The following YEATS2 variants were observed in gnomAD, a reference collection of about 807,000 sequenced individuals.
The protein encoded by YEATS2 is YEATS domain-containing protein 2.
In YEATS2, 77 loss-of-function variants were observed where a neutral mutation model predicts 163.2. The ratio of observed to expected loss-of-function variants is 0.47; its 90% CI spans 0.39 to 0.57. The LOEUF is 0.57. Among genes scored for constraint, YEATS2 ranks in the 20% least tolerant of loss-of-function variants. The probability of loss-of-function intolerance (pLI) is 0.00; values close to 1 mark genes in which losing one functional copy is unlikely to be tolerated. For missense variants in YEATS2, 1,549 were observed against 1,729.8 expected, an observed-to-expected ratio of 0.90 and a Z score of 1.85; for synonymous variants, 631 against 645.1, an observed-to-expected ratio of 0.98 and a Z score of 0.33.
chr3:183,717,704 C>T lies in YEATS2; in HGVS notation c.154C>T (p.Leu52Phe). 1.3e-6 allele frequency: 2 copies of T among 1,566,788 alleles called. No homozygotes were observed. Among genetic ancestry groups the T allele is most frequent in the Non-Finnish European group, 1.7e-6 (2 of 1,163,418 alleles). The change falls in exon 3 of 31, where the codon CTT (leucine) becomes TTT (phenylalanine). Residue 52 changes from leucine to phenylalanine, a missense_variant. By Grantham distance (22) the Leu-to-Phe change is conservative. Transcript: ENST00000305135. ...IETIIKEQFA[L>F]EMKNKEHEIE... The stretch of plus-strand genomic sequence containing the variant: ...GACTATTATCAAAGAACAGTTTGCT[C>T]TTGAAATGAAGAATAAGGAACATGA...
At chr3:183,711,242 G>A (rs1304813379) in intron 1 of YEATS2, among the ~76,000 whole-genome samples, 1 of 151,954 alleles carries the variant, frequency 6.6e-6, no homozygotes, top group African/African-American at 2.4e-5. Flanking sequence ...AGGCCAAGGC[G>A]GGCGGATCAC....
chr3:183,779,903 G>A (rs1324965667), intron 19 of YEATS2, among the ~76,000 whole-genome samples: 1 of 151,342 alleles, frequency 6.6e-6, no homozygotes, highest in African/African-American at 2.4e-5. Flanking sequence ...TCACCACGTT[G>A]GTCAGGATGG....
rs181307418 is a variant in YEATS2, at chr3:183,716,962, G to A, written c.101-689G>A. The stretch of plus-strand genomic sequence containing the variant: ...GGCTGGAGTGCGGTGGCACGATCTC[G>A]GCTCACTGCCACCTCTGCCTCCCAA... On this transcript the variant is annotated intron_variant, in intron 2 of 30. Transcript: ENST00000305135. Among the ~76,000 whole-genome samples the A allele has an allele frequency of 7.3e-5, 11 of 151,024 alleles. 1 individual carries two copies. The East Asian group carries it at 2.1e-3, about 29-fold the overall frequency.
chr3:183,785,999 G>C, intron 19 of YEATS2, 126 bp from the exon 20 acceptor site: 1 of 1,098,216 alleles, frequency 9.1e-7, no homozygotes. Flanking sequence ...CCTCATGTAG[G>C]TTGGATTGGT....
intron 4 of YEATS2, among the ~76,000 whole-genome samples, chr3:183,719,685 T>A (rs906088384): frequency 1.3e-4 from 19 of 151,956 alleles, no homozygotes; most frequent in Admixed American, 8.5e-4. Context: ...CTTTTTTTTT[T>A]AAAAGAGACA....
intron 15 of YEATS2, 151 bp downstream of exon 15, chr3:183,762,430 G>C: frequency 1.0e-6 from 1 of 976,826 alleles, no homozygotes; most frequent in Non-Finnish European, 1.5e-6. Context: ...AAGTCTGTTG[G>C]TGTGAAACTC....
chr3:183,802,535 G>GTATATATATACAGGTA (rs11276625), intron 25 of YEATS2: 5 of 142,214 alleles, frequency 3.5e-5, no homozygotes, highest in Non-Finnish European at 6.0e-5. Context: ...ATATACACGT[G>GTATATATATACAGGTA]TATATACACA....
rs188381592 is a variant in YEATS2, at chr3:183,746,064, C to T, written c.925-1608C>T. On this transcript the variant is annotated intron_variant, in intron 8 of 30. Transcript: ENST00000305135. ...GCCCAGGCTGGTTTTTTTGTTTGTT[C>T]GTTCGTTTGTTTTTTGTAGATAGGA... is the stretch of plus-strand genomic sequence containing the variant. Among the ~76,000 whole-genome samples the T allele has an allele frequency of 1.1e-3, 172 of 151,906 alleles. 1 individual carries two copies. Among genetic ancestry groups the T allele is most frequent in the African/African-American group, 3.9e-3 (162 of 41,416 alleles).
intron 19 of YEATS2, among the ~76,000 whole-genome samples, chr3:183,783,489 T>C (rs1236658278): frequency 1.3e-5 from 2 of 152,246 alleles, no homozygotes; most frequent in Non-Finnish European, 2.9e-5. Context: ...GCTAGGGTCA[T>C]GATTGATCTT....
chr3:183,806,177 G>A (rs1282572778), intron 27 of YEATS2: 1 of 401,550 alleles, frequency 2.5e-6, no homozygotes, highest in Non-Finnish European at 4.8e-6. Flanking sequence ...AATATCCTAA[G>A]TCAAAAATGA....
intron 1 of YEATS2, among the ~76,000 whole-genome samples, chr3:183,714,512 T>C (rs1715625151): frequency 6.6e-6 from 1 of 151,964 alleles, no homozygotes; most frequent in South Asian, 2.1e-4. Flanking sequence ...TTTTTTTTAA[T>C]GGGATTGTTT....
intron 7 of YEATS2, among the ~76,000 whole-genome samples, chr3:183,732,041 G>A (rs1717841919): frequency 6.7e-6 from 1 of 148,688 alleles, no homozygotes; most frequent in Admixed American, 6.7e-5. Flanking sequence ...CCATAGCGCT[G>A]TTTTTTTTTT....
chr3:183,774,993 A>G (rs949396634), intron 17 of YEATS2, among the ~76,000 whole-genome samples: 1 of 152,240 alleles, frequency 6.6e-6, no homozygotes, highest in African/African-American at 2.4e-5. Flanking sequence ...AATCACTGGA[A>G]TGAAGGTGGA....
chr3:183,802,378 T>C (rs1248450298), intron 25 of YEATS2: 1 of 152,976 alleles, frequency 6.5e-6, no homozygotes, highest in Non-Finnish European at 1.5e-5. Flanking sequence ...GTAATCTCTT[T>C]CTGTAGGGTA....
At chr3:183,755,672 T>A (rs1311969405) in intron 11 of YEATS2, among the ~76,000 whole-genome samples, 2 of 151,810 alleles carry the variant, frequency 1.3e-5, no homozygotes, top group Admixed American at 1.3e-4. Context: ...ATTTCATATT[T>A]TCCTATTCAA....
In YEATS2 at chr3:183,754,379, T is replaced by G; in HGVS notation, c.1390+14T>G. 1 of 1,607,976 alleles carries G rather than the reference T, an allele frequency of 6.2e-7. No homozygotes were observed. Among genetic ancestry groups the G allele is most frequent in the Non-Finnish European group, 8.5e-7 (1 of 1,175,232 alleles). ...AGATTGTGTCAGGTATGCAGATGTT[T>G]TGAAGACAGTGTATGTGGAGTTGAC... On this transcript the variant is annotated intron_variant, in intron 11 of 30. Coordinates refer to ENST00000305135, the MANE Select transcript of YEATS2 (RefSeq NM_018023.5).
At chr3:183,810,282 G>A (rs1726665575) in intron 30 of YEATS2, 193 bp from the exon 31 acceptor site, 1 of 531,974 alleles carries the variant, frequency 1.9e-6, no homozygotes, top group Non-Finnish European at 3.4e-6. Flanking sequence ...CAACCAACTT[G>A]TTGACATCCT....
intron 10 of YEATS2, 107 bp from the exon 11 acceptor site, chr3:183,754,019 G>C: frequency 7.2e-7 from 1 of 1,393,994 alleles, no homozygotes; most frequent in South Asian, 1.7e-5. Flanking sequence ...CCAGTACATG[G>C]TTTAAAATGG....
At position 183,772,450 on chromosome 3, in the gene YEATS2, C is replaced by G. The variant is rs778112930; in HGVS notation, c.2093C>G (p.Ala698Gly). 1 of 1,614,112 alleles carries G rather than the reference C, an allele frequency of 6.2e-7. No homozygotes were observed. The highest frequency in any genetic ancestry group is 1.1e-5 in the South Asian group (1 of 91,080). ...AAGCAAGTTGTAACCCAAGGAGTTG[C>G]CAAAGCAATTGTGAGTGGAGGTGGA... ...GPKQVVTQGV[A>G]KAIVSGGGGT... Residue 698 changes from alanine (A) to glycine (G), a missense_variant, in exon 16 of 31, where the codon GCC (alanine) becomes GGC (glycine). By Grantham distance (60) the Ala-to-Gly change is moderately conservative. Coordinates refer to ENST00000305135, the MANE Select transcript of YEATS2 (RefSeq NM_018023.5).
Sources: allele counts gnomAD v4.1 joint callset (sites outside exome capture counted in the v4.1 genomes callset), GRCh38; gene constraint gnomAD v4.1.1; transcripts MANE v1.5; gene names NCBI Gene and HGNC (gene_info 2026-07-23, HGNC 2026-07-21).